Variants in PKHD1 observed in about 807,000 individuals in gnomAD.
The protein encoded by PKHD1 is PKHD1 ciliary IPT domain containing fibrocystin/polyductin.
In PKHD1, 291 loss-of-function variants were observed where a neutral mutation model predicts 412.0. The observed-to-expected ratio is 0.71, with a 90% confidence interval of 0.64 to 0.78. PKHD1 has a LOEUF of 0.78. Among genes scored for constraint, PKHD1 ranks in the 30% least tolerant of loss-of-function variants. The pLI, the probability that PKHD1 is intolerant of heterozygous loss-of-function variation, is 0.00. For missense variants in PKHD1, 4,825 were observed against 4,950.7 expected (o/e 0.97, Z 0.76); for synonymous variants, 1,777 against 1,821.5 (o/e 0.98, Z 0.62).
rs560458576 is a variant in PKHD1, at chr6:51,992,583, A to G, written c.5751+17726T>C. On this transcript the variant is annotated intron_variant, in intron 35 of 66. Transcript: ENST00000371117. The stretch of plus-strand genomic sequence containing the variant: ...TTCCTTGTGGAGAAGCCACCAGTAC[A>G]GGGAAATTTTAGAACAATTTTACCA... Among the ~76,000 whole-genome samples, 115 of 152,328 alleles carry G rather than the reference A, an allele frequency of 7.5e-4. 1 individual carries two copies. The highest frequency in any genetic ancestry group is 2.4e-3 in the African/African-American group (100 of 41,564).
intron 60 of PKHD1, 24 bp downstream of exon 60, chr6:51,744,361 G>A: frequency 1.2e-6 from 2 of 1,606,242 alleles, no homozygotes; most frequent in East Asian, 2.2e-5. Context: ...TCTACCACAG[G>A]CATTGCATTC....
chr6:51,737,182 C>T (rs192654459), intron 60 of PKHD1, among the ~76,000 whole-genome samples: 1 of 152,286 alleles, frequency 6.6e-6, no homozygotes, highest in Admixed American at 6.5e-5. Context: ...AACTCACCTG[C>T]CCTGAAGGTG....
chr6:51,914,582 T>C (rs1435965795), intron 37 of PKHD1, among the ~76,000 whole-genome samples: 1 of 152,170 alleles, frequency 6.6e-6, no homozygotes, highest in African/African-American at 2.4e-5. Flanking sequence ...TTATGTTCTT[T>C]TTTTAAACAA....
In PKHD1 at chr6:51,852,106, C is replaced by G. The variant is rs143235538; in HGVS notation, c.7911+3787G>C. On this transcript the variant is annotated intron_variant, in intron 49 of 66. Transcript: ENST00000371117. Reference sequence around the variant, plus strand: ...TCCCAGAGATTCTGATACATTTTCTCTTTGTTCTGATTGGTTTCAAAGAAC... The same window carrying G: ...TCCCAGAGATTCTGATACATTTTCTGTTTGTTCTGATTGGTTTCAAAGAAC... Among the ~76,000 whole-genome samples the G allele has an allele frequency of 5.0e-3, 754 of 152,236 alleles. 16 individuals carry two copies. Among genetic ancestry groups the G allele is most frequent in the East Asian group, 0.033 (173 of 5,178 alleles).
chr6:51,973,195 G>A (rs1793921056), intron 35 of PKHD1, among the ~76,000 whole-genome samples: 1 of 152,106 alleles, frequency 6.6e-6, no homozygotes. Flanking sequence ...CTGATTTATT[G>A]CTTTCACTGT....
At chr6:51,666,140 G>C (rs1241076655) in intron 60 of PKHD1, among the ~76,000 whole-genome samples, 1 of 111,124 alleles carries the variant, frequency 9.0e-6, no homozygotes, top group South Asian at 2.9e-4. Flanking sequence ...TGTTACTTTA[G>C]TGCTTATACA....
At chr6:52,080,804 T>A (rs1171048422) in intron 4 of PKHD1, among the ~76,000 whole-genome samples, 2 of 152,196 alleles carry the variant, frequency 1.3e-5, no homozygotes, top group Non-Finnish European at 2.9e-5. Context: ...TCATTATTAA[T>A]TTATATAGAT....
At chr6:51,814,016 T>C (rs1765081382) in intron 52 of PKHD1, among the ~76,000 whole-genome samples, 3 of 152,164 alleles carry the variant, frequency 2.0e-5, no homozygotes, top group South Asian at 4.1e-4. Context: ...ACTTAATGTA[T>C]AAAAGCTGTG....
intron 52 of PKHD1, among the ~76,000 whole-genome samples, chr6:51,809,200 T>A (rs774529371): frequency 3.9e-5 from 6 of 152,136 alleles, no homozygotes; most frequent in Non-Finnish European, 8.8e-5. Context: ...TTTTGATTCC[T>A]TTATATTTAA....
intron 52 of PKHD1, among the ~76,000 whole-genome samples, chr6:51,803,044 A>G (rs1034615264): frequency 3.3e-5 from 5 of 151,288 alleles, no homozygotes; most frequent in Non-Finnish European, 7.4e-5. Context: ...TGAGTAACAA[A>G]TATTTAGTAA....
intron 19 of PKHD1, 150 bp from the exon 20 acceptor site, chr6:52,054,315 G>A (rs1235064140): frequency 5.9e-6 from 4 of 674,700 alleles, no homozygotes; most frequent in African/African-American, 5.4e-5. Context: ...TACCAGTGTA[G>A]CCAGAGAGAC....
intron 63 of PKHD1, among the ~76,000 whole-genome samples, chr6:51,644,147 G>A (rs966563364): frequency 5.9e-5 from 9 of 151,896 alleles, no homozygotes; most frequent in Non-Finnish European, 1.0e-4. Flanking sequence ...TTCTGGAATC[G>A]ATGAGGTGCA....
intron 55 of PKHD1, among the ~76,000 whole-genome samples, chr6:51,765,144 C>G (rs1276596559): frequency 6.6e-6 from 1 of 152,002 alleles, no homozygotes; most frequent in Non-Finnish European, 1.5e-5. Context: ...TCAGTGTGCT[C>G]CATCAAAACA....
chr6:51,774,382 G>A (rs866813619), intron 54 of PKHD1, among the ~76,000 whole-genome samples: 3 of 151,940 alleles, frequency 2.0e-5, no homozygotes, highest in African/African-American at 4.8e-5. Flanking sequence ...AGCCAGGATC[G>A]GGGATCAGAG....
chr6:51,841,706 G>A (rs150612029), intron 50 of PKHD1, among the ~76,000 whole-genome samples: 76 of 152,266 alleles, frequency 5.0e-4, no homozygotes, highest in Admixed American at 1.6e-3. Flanking sequence ...TTCTGATTCC[G>A]CTCTGCCTAC....
chr6:51,627,071 T>C lies in PKHD1; in HGVS notation c.11711A>G (p.Asn3904Ser), dbSNP rs2150277940. ...TTTGGATGAGATGTGGATATGAATA[T>C]TTTGATTATTAGTCTGGGATTCAGG... ...EIPESQTNNQ[N>S]IHIHISSKRR... The change falls in exon 66 of 67, where the codon AAT (asparagine) becomes AGT (serine). Residue 3904 changes from asparagine (N) to serine (S), a missense_variant. Coordinates refer to ENST00000371117, the MANE Select transcript of PKHD1 (RefSeq NM_138694.4). 1 of 1,610,172 alleles carries C rather than the reference T, an allele frequency of 6.2e-7. No homozygotes were observed. The highest frequency in any genetic ancestry group is 2.2e-5 in the East Asian group (1 of 44,856).
intron 60 of PKHD1, among the ~76,000 whole-genome samples, chr6:51,661,646 G>A (rs1055355759): frequency 2.0e-5 from 3 of 150,612 alleles, no homozygotes; most frequent in East Asian, 1.9e-4. Flanking sequence ...AAGGAACAGC[G>A]TTATTCATTA....
At chr6:51,859,334 G>A (rs7753011) in intron 48 of PKHD1, among the ~76,000 whole-genome samples, 5,810 of 151,930 alleles carry the variant, frequency 0.038, 299 homozygotes, top group African/African-American at 0.12. Context: ...AGACCATCCT[G>A]GCTAACACGG....
Position 51,741,496 on chromosome 6 carries a change from G to C in PKHD1, c.10156+2889C>G, listed in dbSNP as rs539768905. On this transcript the variant is annotated intron_variant, in intron 60 of 66. Coordinates refer to ENST00000371117, the MANE Select transcript of PKHD1 (RefSeq NM_138694.4). The stretch of plus-strand genomic sequence containing the variant: ...GGGCTGGAGAGTTAATGTCCCCAAA[G>C]CATCCCCCAAAGTCCTGACAGAAAA... Among the ~76,000 whole-genome samples, 7 of 152,124 alleles carry C rather than the reference G, an allele frequency of 4.6e-5. No homozygotes were observed. In the South Asian group the frequency reaches 1.5e-3, roughly 32 times the overall value.
Sources: gnomAD v4.1 joint callset for allele counts (sites outside exome capture counted in the v4.1 genomes callset) on GRCh38, gnomAD v4.1.1 for gene constraint, MANE v1.5 for transcripts, NCBI Gene and HGNC (gene_info 2026-07-23, HGNC 2026-07-21) for gene names.